The following PTPRS variants were observed in gnomAD, a reference collection of about 807,000 sequenced individuals.
PTPRS encodes the protein receptor-type tyrosine-protein phosphatase S.
PTPRS carries 63 observed loss-of-function variants against 215.3 expected under a neutral mutation model. The ratio of observed to expected loss-of-function variants is 0.29; its 90% CI spans 0.24 to 0.36. The LOEUF (loss-of-function observed/expected upper bound fraction) is 0.36, where lower values mean the gene tolerates loss of function less well. Among genes scored for constraint, PTPRS ranks in the 10% least tolerant of loss-of-function variants. The probability of loss-of-function intolerance (pLI) is 1.00; values close to 1 mark genes in which losing one functional copy is unlikely to be tolerated. For missense variants in PTPRS, 2,258 were observed against 2,825.8 expected (o/e 0.80, Z 4.56); for synonymous variants, 1,404 against 1,191.4 (o/e 1.18, Z -3.68).
In PTPRS at chr19:5,229,500, G is replaced by A. The variant is rs556513528; in HGVS notation, c.2340C>T (p.Ala780=). ...CCGGCCCCCCGCCCACCTGGGCATC[G>A]GCCAGCATGACGTCCTTGATGCGCG... ...GPPRIKDVML[A]DAQWETDDTA... Residue 780 remains alanine, a synonymous_variant, in exon 15 of 38, where the codon GCC becomes GCT. Coordinates refer to ENST00000262963, the MANE Select transcript of PTPRS (RefSeq NM_002850.4). 1.6e-3 allele frequency: 2,259 copies of A among 1,448,524 alleles called. 3 individuals are homozygous for A. Among genetic ancestry groups the A allele is most frequent in the Non-Finnish European group, 2.0e-3 (2,157 of 1,103,268 alleles). 89.7% of individuals were successfully genotyped at this position (1,448,524 alleles called of 1,614,324 possible).
At chr19:5,278,926 C>T (rs986137404) in intron 2 of PTPRS, among the ~76,000 whole-genome samples, 4 of 151,970 alleles carry the variant, frequency 2.6e-5, no homozygotes, top group South Asian at 2.1e-4. Context: ...CATGGTGGCT[C>T]ATACCTGTAA....
In PTPRS at chr19:5,223,099, C is replaced by A; in HGVS notation, c.2693G>T (p.Gly898Val). The A allele has an allele frequency of 6.4e-7, 1 of 1,564,518 alleles. No individual in the cohort carries two copies. The highest frequency in any genetic ancestry group is 8.7e-7 in the Non-Finnish European group (1 of 1,155,088). The change falls in exon 18 of 38, where the codon GGG becomes GTG. Residue 898 changes from glycine to valine, a missense_variant. Physicochemically the swap from Gly to Val is moderately radical, Grantham distance 109. Around this residue, in one of 6 missense-constraint regions of PTPRS, gnomAD observed 361 missense variants for 332.6 expected, o/e 1.09. Coordinates refer to ENST00000262963, the MANE Select transcript of PTPRS (RefSeq NM_002850.4). ...CGCAAGCCGGAACACATACGTGGCC[C>A]CCTTGTGCACGCCTGATGCCGTGTA... ...DRYTASGVHK[G>V]ATYVFRLAAR...
In PTPRS at chr19:5,215,382, C is replaced by T; in HGVS notation, c.4225G>A (p.Glu1409Lys). ...TTGTTCACTTCCAGGTTGGAATGTT[C>T]CCATGTGAACTGCTGTCCAGGGTCG... ...SIDPGQQFTW[E>K]HSNLEVNKPK... The change falls in exon 28 of 38, where the codon GAA becomes AAA. Residue 1409 changes from glutamate to lysine, a missense_variant. By Grantham distance (56) the Glu-to-Lys change is moderately conservative (BLOSUM62 1). Coordinates refer to ENST00000262963, the MANE Select transcript of PTPRS (RefSeq NM_002850.4). The T allele has an allele frequency of 6.2e-7, 1 of 1,614,046 alleles. No homozygotes were observed. The highest frequency in any genetic ancestry group is 8.5e-7 in the Non-Finnish European group (1 of 1,180,014).
Position 5,210,416 on chromosome 19 carries a change from T to C in PTPRS, c.5487+53A>G. The C allele has an allele frequency of 1.9e-6, 3 of 1,611,954 alleles. No individual in the cohort carries two copies. The highest frequency in any genetic ancestry group is 1.7e-6 in the Non-Finnish European group (2 of 1,178,824). On this transcript the variant is annotated intron_variant, in intron 35 of 37. Transcript: ENST00000262963. This position sits in a 1 kb window ranked among gnomAD's most constrained non-coding sequence, Gnocchi z 4.5. ...TATCCATCACCAACCAGGGCAGCCCTTTCCAGATCACTAAGGCTCCAGCCC... is the reference window on the plus strand; with the variant it reads ...TATCCATCACCAACCAGGGCAGCCCCTTCCAGATCACTAAGGCTCCAGCCC...
intron 1 of PTPRS, among the ~76,000 whole-genome samples, chr19:5,320,512 C>T (rs2049998420): frequency 6.6e-6 from 1 of 152,210 alleles, no homozygotes; most frequent in Admixed American, 6.5e-5. Flanking sequence ...TCACTGCAAA[C>T]TCTGCCTCAA....
Position 5,206,716 on chromosome 19 carries a change from C to CCCT in PTPRS, c.*57_*58insAGG. ...GGGGTCCAGGCCTCAGGAGGTCCGC[C>CCCT]CGGGAGGGGCAGAGGCATCCGGGGC... On this transcript the variant is annotated 3_prime_UTR_variant, in exon 38 of 38. Transcript: ENST00000262963. 1 of 1,533,784 alleles carries CCCT rather than the reference C, an allele frequency of 6.5e-7. No individual in the cohort carries two copies. The highest frequency in any genetic ancestry group is 1.1e-5 in the South Asian group (1 of 88,964).
rs957906152 is a variant in PTPRS, at chr19:5,213,345, C to T, written c.4615-854G>A. Among the ~76,000 whole-genome samples, 4 of 152,352 alleles carry T rather than the reference C, an allele frequency of 2.6e-5. No individual in the cohort carries two copies. The East Asian group carries it at 7.7e-4, about 29-fold the overall frequency. On this transcript the variant is annotated intron_variant, in intron 30 of 37. Transcript: ENST00000262963. ...TCAAAGCCAAAGTCTTCCCCAAGGC[C>T]CACAGGATCCTGCATGACCAGGCAC...
chr19:5,218,549 CG>C lies in PTPRS; in HGVS notation c.3936-18del. Reference sequence around the variant, plus strand: ...TTGCGTTTACTTTAGGAGAAGCAAGCGGAACAGTCCAGTTAGTAGTGGCACA... The same window carrying C: ...TTGCGTTTACTTTAGGAGAAGCAAGCGAACAGTCCAGTTAGTAGTGGCACA... On this transcript the variant is annotated intron_variant, in intron 24 of 37. Coordinates refer to ENST00000262963, the MANE Select transcript of PTPRS (RefSeq NM_002850.4). The C allele has an allele frequency of 1.9e-6, 3 of 1,610,054 alleles. No individual in the cohort carries two copies. Among genetic ancestry groups the C allele is most frequent in the East Asian group, 2.2e-5 (1 of 44,866 alleles).
At chr19:5,272,789 G>A (rs981851366) in intron 4 of PTPRS, among the ~76,000 whole-genome samples, 4 of 151,996 alleles carry the variant, frequency 2.6e-5, no homozygotes, top group East Asian at 1.9e-4. Context: ...CTAGTCTCAC[G>A]TGTGATCCTC....
At chr19:5,332,509 G>A (rs1009094978) in intron 1 of PTPRS, among the ~76,000 whole-genome samples, 1 of 152,170 alleles carries the variant, frequency 6.6e-6, no homozygotes, top group South Asian at 2.1e-4. Context: ...AGCCATTCAG[G>A]GCTTCCTTGG....
At chr19:5,284,632 A>G (rs991206482) in intron 2 of PTPRS, among the ~76,000 whole-genome samples, 4 of 152,012 alleles carry the variant, frequency 2.6e-5, no homozygotes, top group African/African-American at 9.7e-5. Context: ...ATCTGAATGT[A>G]TAGGGGCATT....
rs1372409497 is a variant in PTPRS at position 5,257,605 on chromosome 19, A to G, written c.706+412T>C. ...AAGTTGGGAGAAGCAAAGCCAGCAC[A>G]CAGCACGGGAAGGCACGACACACCA... On this transcript the variant is annotated intron_variant, in intron 8 of 37. Coordinates refer to ENST00000262963, the MANE Select transcript of PTPRS (RefSeq NM_002850.4). The surrounding 1 kb of genome is among the most constrained non-coding windows in gnomAD (Gnocchi z 4.4). Among the ~76,000 whole-genome samples, 1 of 152,088 alleles carries G rather than the reference A, an allele frequency of 6.6e-6. No individual in the cohort carries two copies. Among genetic ancestry groups the G allele is most frequent in the Non-Finnish European group, 1.5e-5 (1 of 68,004 alleles).
chr19:5,226,109 C>T (rs1452106203), intron 16 of PTPRS, among the ~76,000 whole-genome samples: 4 of 152,214 alleles, frequency 2.6e-5, no homozygotes, highest in African/African-American at 7.2e-5. Flanking sequence ...CTTGCCATCA[C>T]CCCCGACAGT....
At position 5,257,950 on chromosome 19, in the gene PTPRS, G is replaced by C. The variant is rs947671619; in HGVS notation, c.706+67C>G. 78 of 1,391,410 alleles carry C rather than the reference G, an allele frequency of 5.6e-5. No homozygotes were observed. The highest frequency in any genetic ancestry group is 7.4e-5 in the Non-Finnish European group (74 of 999,330). The allele number at this position is 1,391,410 out of a possible 1,614,324, so 86.2% of individuals were successfully genotyped here. On this transcript the variant is annotated intron_variant, in intron 8 of 37. Coordinates refer to ENST00000262963, the MANE Select transcript of PTPRS (RefSeq NM_002850.4). The surrounding 1 kb of genome is among the most constrained non-coding windows in gnomAD (Gnocchi z 4.4). ...GGACGGGGGAGCCCGGAGGCGGTGA[G>C]CCCGAGGAGGGAGGGGGATGGGACG...
intron 1 of PTPRS, among the ~76,000 whole-genome samples, chr19:5,298,553 C>A (rs1264483407): frequency 1.3e-5 from 2 of 152,214 alleles, no homozygotes; most frequent in Non-Finnish European, 2.9e-5. Context: ...TTGCCCATGC[C>A]CAAGGCTCCC....
In PTPRS at chr19:5,277,009, T is replaced by C. The variant is rs531963138; in HGVS notation, c.92-2665A>G. On this transcript the variant is annotated intron_variant, in intron 2 of 37. Transcript: ENST00000262963. ...GATTTCCGGTCACAGTACACAGTAA[T>C]GTTACAATGTATCCCCTAAGATGAA... Among the ~76,000 whole-genome samples, 7 of 152,006 alleles carry C rather than the reference T, an allele frequency of 4.6e-5. No homozygotes were observed. In the South Asian group the frequency reaches 1.3e-3, roughly 27 times the overall value.
intron 2 of PTPRS, among the ~76,000 whole-genome samples, chr19:5,281,223 G>T (rs918126577): frequency 6.6e-6 from 1 of 152,066 alleles, no homozygotes; most frequent in Non-Finnish European, 1.5e-5. Context: ...CACTTTGGGA[G>T]GCCAAAGCGG....
chr19:5,311,680 C>T (rs561508926), intron 1 of PTPRS, among the ~76,000 whole-genome samples: 101 of 152,162 alleles, frequency 6.6e-4, no homozygotes, highest in African/African-American at 2.2e-3. Context: ...CCCTGGCTGG[C>T]GGCTGGGGTG....
chr19:5,262,457 C>T (rs927807182), intron 6 of PTPRS, among the ~76,000 whole-genome samples: 12 of 152,308 alleles, frequency 7.9e-5, no homozygotes, highest in Middle Eastern at 3.4e-3. Flanking sequence ...CAACTGATTT[C>T]AGGAGATTCA....
Sources: allele counts gnomAD v4.1 joint callset (sites outside exome capture counted in the v4.1 genomes callset), GRCh38; gene constraint gnomAD v4.1.1; regional missense constraint gnomAD v4.1.1; non-coding constraint Gnocchi (gnomAD v3.1); transcripts MANE v1.5; gene names NCBI Gene and HGNC (gene_info 2026-07-23, HGNC 2026-07-21).